The following TAFA1 variants were observed in gnomAD, a reference collection of about 807,000 sequenced individuals.
The protein encoded by TAFA1 is TAFA chemokine like family member 1, also known as chemokine-like protein TAFA-1.
Under a neutral mutation model 18.5 loss-of-function variants are expected in TAFA1, and 4 were observed. The observed-to-expected ratio is 0.22, with a 90% confidence interval of 0.11 to 0.49. The LOEUF is 0.49. TAFA1 is among the 20% of genes least tolerant of loss of function. TAFA1 has a pLI of 0.98. For synonymous variants in TAFA1, 56 were observed against 55.2 expected (o/e 1.01, Z -0.06); for missense variants, 147 against 169.0 (o/e 0.87, Z 0.72).
intron 3 of TAFA1, among the ~76,000 whole-genome samples, chr3:68,527,597 T>G (rs1331276665): frequency 6.6e-6 from 1 of 152,140 alleles, no homozygotes; most frequent in Non-Finnish European, 1.5e-5. Flanking sequence ...TTATATCCAC[T>G]AGTTCTTTTC....
At chr3:68,441,336 C>A (rs77185849) in intron 3 of TAFA1, among the ~76,000 whole-genome samples, 1 of 151,944 alleles carries the variant, frequency 6.6e-6, no homozygotes, top group South Asian at 2.1e-4. Context: ...CAGATAGTGA[C>A]ACTGTGTGGA....
At chr3:68,043,748 C>T (rs972966611) in intron 2 of TAFA1, among the ~76,000 whole-genome samples, 19 of 152,248 alleles carry the variant, frequency 1.2e-4, no homozygotes, top group South Asian at 1.0e-3. Flanking sequence ...AGAGTCAAAA[C>T]CTGCCTGTGT....
At chr3:68,145,546 CT>C in intron 2 of TAFA1, 1 of 1,324,638 alleles carries the variant, frequency 7.5e-7, no homozygotes, top group Non-Finnish European at 1.1e-6. Flanking sequence ...AGTTTATTCC[CT>C]TATCAGAGCC....
At chr3:68,467,293 TTAAAG>T (rs2071907156) in intron 3 of TAFA1, among the ~76,000 whole-genome samples, 2 of 152,122 alleles carry the variant, frequency 1.3e-5, no homozygotes, top group South Asian at 4.1e-4. Context: ...GATTAAGAGA[TTAAAG>T]TAAAGACAGG....
intron 2 of TAFA1, among the ~76,000 whole-genome samples, chr3:68,212,130 G>C (rs904872254): frequency 3.2e-4 from 48 of 151,676 alleles, no homozygotes; most frequent in African/African-American, 1.1e-3. Context: ...TTTGACTCAA[G>C]AACAACAGCC....
At chr3:68,430,317 A>G (rs1188741991) in intron 3 of TAFA1, among the ~76,000 whole-genome samples, 1 of 151,992 alleles carries the variant, frequency 6.6e-6, no homozygotes, top group Non-Finnish European at 1.5e-5. Context: ...CATGGGTTTT[A>G]ATCAAAAAGT....
chr3:68,349,971 C>A (rs552400534), intron 2 of TAFA1, among the ~76,000 whole-genome samples: 1 of 152,184 alleles, frequency 6.6e-6, no homozygotes, highest in East Asian at 1.9e-4. Context: ...CTATGAACTC[C>A]CAACCCAGTT....
At chr3:68,459,110 C>T (rs904742309) in intron 3 of TAFA1, among the ~76,000 whole-genome samples, 3 of 152,048 alleles carry the variant, frequency 2.0e-5, no homozygotes, top group African/African-American at 4.8e-5. Flanking sequence ...CACATTTGCC[C>T]GTCATTGAGT....
chr3:68,135,158 C>T (rs766253676), intron 2 of TAFA1, among the ~76,000 whole-genome samples: 1 of 152,104 alleles, frequency 6.6e-6, no homozygotes, highest in Non-Finnish European at 1.5e-5. Context: ...AAAAGCTTTG[C>T]TGAATTACTT....
At chr3:68,370,479 T>C (rs1471416130) in intron 2 of TAFA1, among the ~76,000 whole-genome samples, 4 of 18,844 alleles carry the variant, frequency 2.1e-4, no homozygotes, top group East Asian at 3.2e-3. Context: ...TGTGTATATA[T>C]ATATATATAT....
chr3:68,051,777 A>G (rs1289771724), intron 2 of TAFA1, among the ~76,000 whole-genome samples: 1 of 152,116 alleles, frequency 6.6e-6, no homozygotes, highest in Non-Finnish European at 1.5e-5. Flanking sequence ...AAGATAAGTC[A>G]ATTTAGGTGA....
intron 2 of TAFA1, among the ~76,000 whole-genome samples, chr3:68,233,280 ATATCT>A (rs1460738061): frequency 3.3e-5 from 5 of 152,090 alleles, no homozygotes; most frequent in African/African-American, 1.2e-4. Flanking sequence ...TAGTTTGCAA[ATATCT>A]TATCCCATTC....
intron 2 of TAFA1, among the ~76,000 whole-genome samples, chr3:68,404,358 G>A (rs1457711712): frequency 6.6e-6 from 1 of 152,168 alleles, no homozygotes; most frequent in Non-Finnish European, 1.5e-5. Flanking sequence ...GAATATGCTA[G>A]ACATAAGCAA....
intron 2 of TAFA1, among the ~76,000 whole-genome samples, chr3:68,414,757 C>G (rs533261908): frequency 6.6e-6 from 1 of 152,250 alleles, no homozygotes; most frequent in East Asian, 1.9e-4. Context: ...TTATTTAACT[C>G]AGTGCAGTAA....
At chr3:68,099,090 A>G (rs2065119344) in intron 2 of TAFA1, among the ~76,000 whole-genome samples, 1 of 152,166 alleles carries the variant, frequency 6.6e-6, no homozygotes, top group Non-Finnish European at 1.5e-5. Context: ...CTGGATATCA[A>G]TCTTGGGAAA....
the TAFA1 span, among the ~76,000 whole-genome samples, chr3:67,992,601 C>T: frequency 6.6e-6 from 1 of 152,170 alleles, no homozygotes; most frequent in African/African-American, 2.4e-5. Flanking sequence ...TCCATTCCAA[C>T]AATTTTACTG....
At chr3:68,145,551 C>G in intron 2 of TAFA1, 1 of 1,378,014 alleles carries the variant, frequency 7.3e-7, no homozygotes, top group Non-Finnish European at 1.0e-6. Context: ...ATTCCCTTAT[C>G]AGAGCCTGCT....
At chr3:68,051,968 AG>A (rs1361799282) in intron 2 of TAFA1, among the ~76,000 whole-genome samples, 1 of 152,172 alleles carries the variant, frequency 6.6e-6, no homozygotes, top group Non-Finnish European at 1.5e-5. Context: ...GAGAAGATAA[AG>A]GACAGACTCC....
intron 3 of TAFA1, among the ~76,000 whole-genome samples, chr3:68,463,332 C>T (rs148840996): frequency 4.3e-4 from 66 of 152,240 alleles, no homozygotes; most frequent in Middle Eastern, 3.4e-3. Context: ...TTTCCTGGAG[C>T]ATAGTGGAAA....
Sources: gnomAD v4.1 joint callset for allele counts (sites outside exome capture counted in the v4.1 genomes callset) on GRCh38, gnomAD v4.1.1 for gene constraint, MANE v1.5 for transcripts, NCBI Gene and HGNC (gene_info 2026-07-23, HGNC 2026-07-21) for gene names.